Variants in CCDC61 observed in about 807,000 individuals in gnomAD.
CCDC61 encodes the protein coiled-coil domain containing 61, also known as centrosomal protein CCDC61.
In CCDC61, 55 loss-of-function variants were observed where a neutral mutation model predicts 63.0. The observed-to-expected ratio is 0.87, with a 90% CI of 0.70 to 1.09. The LOEUF (loss-of-function observed/expected upper bound fraction) is 1.09. Ranked by LOEUF, CCDC61 falls within the 50% of genes least tolerant of loss-of-function variation. CCDC61 has a pLI of 0.00. For missense variants in CCDC61, 651 were observed against 731.4 expected (o/e 0.89, Z 1.27); for synonymous variants, 270 against 317.0 (o/e 0.85, Z 1.58).
intron 5 of CCDC61, among the ~76,000 whole-genome samples, chr19:46,013,778 A>T (rs1968872818): frequency 1.3e-5 from 2 of 151,852 alleles, no homozygotes; most frequent in African/African-American, 2.4e-5. Flanking sequence ...AGGCAGGAGA[A>T]TCGCTTCAAC....
rs373065477 is a variant in CCDC61 at position 46,008,262 on chromosome 19, G to A, written c.512G>A (p.Arg171Gln). The A allele has an allele frequency of 6.2e-6, 10 of 1,612,598 alleles. No homozygotes were observed. In the East Asian group the frequency reaches 8.9e-5, roughly 14 times the overall value. Residue 171 changes from arginine (R) to glutamine (Q), a missense_variant, in exon 5 of 14, where the codon CGG (arginine) becomes CAG (glutamine). Physicochemically the swap from Arg to Gln is conservative, Grantham distance 43. Transcript: ENST00000595358. Reference sequence around the variant, plus strand: ...CAAGGGCTGGATGGCCAGAACACTCGGGACACCCGGGAGAATGAGATCTGG... The same window carrying A: ...CAAGGGCTGGATGGCCAGAACACTCAGGACACCCGGGAGAATGAGATCTGG... ...RLQGLDGQNTRDTRENEIWHL... is the reference protein window; with the variant it reads ...RLQGLDGQNTQDTRENEIWHL...
intron 3 of CCDC61, among the ~76,000 whole-genome samples, chr19:46,005,669 T>C (rs1238375613): frequency 6.6e-6 from 1 of 152,152 alleles, no homozygotes; most frequent in African/African-American, 2.4e-5. Flanking sequence ...GCTTGAATTT[T>C]GTTATTGGCA....
chr19:46,017,015 C>G lies in CCDC61; in HGVS notation c.1256C>G (p.Ser419Trp). 6.2e-7 allele frequency: 1 copy of G among 1,612,330 alleles called. No homozygotes were observed. Among genetic ancestry groups the G allele is most frequent in the East Asian group, 2.2e-5 (1 of 44,864 alleles). ...GTGGACAGTTTCCGCAGCCGCTGCTCGTCTGCCAGCTCCTGCAGCGATTTG... is the reference window on the plus strand; with the variant it reads ...GTGGACAGTTTCCGCAGCCGCTGCTGGTCTGCCAGCTCCTGCAGCGATTTG... ...SSVDSFRSRCSSASSCSDLED... is the reference protein window; with the variant it reads ...SSVDSFRSRCWSASSCSDLED... The change falls in exon 11 of 14, where the codon TCG becomes TGG. Residue 419 changes from serine to tryptophan, a missense_variant. Ser to Trp is a radical substitution (Grantham distance 177). Coordinates refer to ENST00000595358, the MANE Select transcript of CCDC61 (RefSeq NM_001267723.2).
Position 46,002,882 on chromosome 19 carries a change from G to T in CCDC61, c.-11-126G>T. ...AGATGAGGAAACTAAGGCACAGAGAGGTGAATTCGCTTTCCCAGGATGCCA... is the reference window on the plus strand; with the variant it reads ...AGATGAGGAAACTAAGGCACAGAGATGTGAATTCGCTTTCCCAGGATGCCA... On this transcript the variant is annotated intron_variant, in intron 1 of 13. Coordinates refer to ENST00000595358, the MANE Select transcript of CCDC61 (RefSeq NM_001267723.2). 7.0e-6 allele frequency: 6 copies of T among 861,538 alleles called. No homozygotes were observed. In the South Asian group the frequency reaches 9.9e-5, roughly 14 times the overall value. The allele number at this position is 861,538 out of a possible 1,614,324, so 53.4% of individuals were successfully genotyped here. A position where few individuals can be genotyped will look rare whatever the true frequency, so the allele number is the denominator to read the frequency against.
rs180982717 is a variant in CCDC61, at chr19:46,018,388, C to T, written c.*1C>T. ...GAACCGACTGGACATGCGGTCATAA[C>T]GTGGAGAAGGGGTACTACCCCTCCA... On this transcript the variant is annotated 3_prime_UTR_variant, in exon 14 of 14. Coordinates refer to ENST00000595358, the MANE Select transcript of CCDC61 (RefSeq NM_001267723.2). The surrounding 1 kb of genome is among the most constrained non-coding windows in gnomAD (Gnocchi z 4.2). 4.8e-5 allele frequency: 75 copies of T among 1,561,836 alleles called. 1 individual carries two copies. The East Asian group carries it at 6.3e-4, about 13-fold the overall frequency.
chr19:46,017,253 C>T lies in CCDC61; in HGVS notation c.1317C>T (p.His439=). ...GGTTACTCCTTTTTCTCAGGGGTCA[C>T]CGCCGCCGTGGGAAGCCTCCCAGCC... The part of the protein sequence containing the change: ...DFSESLSRGG[H]RRRGKPPSPT... Residue 439 remains histidine, a synonymous_variant, in exon 12 of 14, where the codon CAC becomes CAT. Coordinates refer to ENST00000595358, the MANE Select transcript of CCDC61 (RefSeq NM_001267723.2). 5 of 1,563,402 alleles carry T rather than the reference C, an allele frequency of 3.2e-6. No individual in the cohort carries two copies. The highest frequency in any genetic ancestry group is 4.3e-6 in the Non-Finnish European group (5 of 1,153,444).
intron 1 of CCDC61, among the ~76,000 whole-genome samples, chr19:46,001,030 C>T (rs552513657): frequency 9.6e-5 from 14 of 146,186 alleles, no homozygotes; most frequent in Non-Finnish European, 1.3e-4. Flanking sequence ...TGTTCAGTTC[C>T]GTGGGTGCCT....
chr19:45,999,327 G>C (rs932437911), intron 1 of CCDC61, among the ~76,000 whole-genome samples: 6 of 152,128 alleles, frequency 3.9e-5, no homozygotes, highest in African/African-American at 7.2e-5. Context: ...GGCAGTGAAG[G>C]GGGGGTTCTA....
At position 46,015,987 on chromosome 19, in the gene CCDC61, G is replaced by T. The variant is rs1414003402; in HGVS notation, c.846-67G>T. ...TGAGGGTTCGGAGAAGGTGCGGTCG[G>T]GGAGGAGTCTCGCGATTGAGTTTGT... On this transcript the variant is annotated intron_variant, in intron 7 of 13. Coordinates refer to ENST00000595358, the MANE Select transcript of CCDC61 (RefSeq NM_001267723.2). This position sits in a 1 kb window ranked among gnomAD's most constrained non-coding sequence, Gnocchi z 5.3. 2 of 1,216,544 alleles carry T rather than the reference G, an allele frequency of 1.6e-6. No individual in the cohort carries two copies. The highest frequency in any genetic ancestry group is 2.1e-6 in the Non-Finnish European group (2 of 974,854). The allele number at this position is 1,216,544 out of a possible 1,614,324, so 75.4% of individuals were successfully genotyped here. A position where few individuals can be genotyped will look rare whatever the true frequency, so the allele number is the denominator to read the frequency against.
chr19:46,010,570 A>G (rs1272243782), intron 5 of CCDC61, among the ~76,000 whole-genome samples: 1 of 152,142 alleles, frequency 6.6e-6, no homozygotes, highest in Non-Finnish European at 1.5e-5. Context: ...TGGGAGAGGG[A>G]GGCAGGAGGA....
chr19:46,005,775 G>C (rs1284090455), intron 3 of CCDC61, among the ~76,000 whole-genome samples: 1 of 151,004 alleles, frequency 6.6e-6, no homozygotes, highest in Non-Finnish European at 1.5e-5. Flanking sequence ...AATAACCATA[G>C]TTTTGTCTGT....
At position 46,016,089 on chromosome 19, in the gene CCDC61, G is replaced by A. The variant is rs1319306633; in HGVS notation, c.881G>A (p.Arg294Gln). 1 of 1,234,636 alleles carries A rather than the reference G, an allele frequency of 8.1e-7. No homozygotes were observed. The allele number at this position is 1,234,636 out of a possible 1,614,324, so 76.5% of individuals were successfully genotyped here. A position where few individuals can be genotyped will look rare whatever the true frequency, so the allele number is the denominator to read the frequency against. ...RTPPVQPPPTREDRASSSRER... is the reference protein window; with the variant it reads ...RTPPVQPPPTQEDRASSSRER... Reference sequence around the variant, plus strand: ...CCGCCGGTGCAGCCGCCCCCGACGCGGGAGGACCGGGCCTCATCGTCCCGG... The same window carrying A: ...CCGCCGGTGCAGCCGCCCCCGACGCAGGAGGACCGGGCCTCATCGTCCCGG... The change falls in exon 8 of 14, where the codon CGG becomes CAG. Residue 294 changes from arginine to glutamine, a missense_variant. Transcript: ENST00000595358. This position sits in a 1 kb window ranked among gnomAD's most constrained non-coding sequence, Gnocchi z 7.2.
Position 46,015,029 on chromosome 19 carries a change from T to C in CCDC61, c.552-20T>C, listed in dbSNP as rs1197778875. On this transcript the variant is annotated intron_variant, in intron 5 of 13. Coordinates refer to ENST00000595358, the MANE Select transcript of CCDC61 (RefSeq NM_001267723.2). The surrounding 1 kb of genome is among the most constrained non-coding windows in gnomAD (Gnocchi z 5.3). ...GGGGCCATGCCTCTCTCTCCAGCGC[T>C]CTCTCCGCGTCTTCCCCAGGGTGTC... The C allele has an allele frequency of 2.0e-6, 3 of 1,486,536 alleles. No homozygotes were observed. The highest frequency in any genetic ancestry group is 2.7e-6 in the Non-Finnish European group (3 of 1,121,770). 92.1% of individuals were successfully genotyped at this position (1,486,536 alleles called of 1,614,324 possible). A position where few individuals can be genotyped will look rare whatever the true frequency, so the allele number is the denominator to read the frequency against.
In CCDC61 at chr19:45,999,541, TGCCAAGGGCA is replaced by T. The variant is rs1968553184; in HGVS notation, c.-11-3465_-11-3456del. 1.3e-4 allele frequency among the ~76,000 whole-genome samples: 20 copies of T among 152,190 alleles called. No individual in the cohort carries two copies. In the South Asian group the frequency reaches 4.2e-3, roughly 32 times the overall value. On this transcript the variant is annotated intron_variant, in intron 1 of 13. Coordinates refer to ENST00000595358, the MANE Select transcript of CCDC61 (RefSeq NM_001267723.2). ...GGGGAAACAGCCATCAGGTGTGGGCTGCCAAGGGCAGTGATTTGCCCGTGTCTGGTATGGG... is the reference window on the plus strand; with the variant it reads ...GGGGAAACAGCCATCAGGTGTGGGCTGTGATTTGCCCGTGTCTGGTATGGG...
rs1286316461 is a variant in CCDC61, at chr19:46,008,200, C to T, written c.450C>T (p.Gly150=). ...QGKPDPVVLQ[G]IIRSLKEELG... The stretch of plus-strand genomic sequence containing the variant: ...AGCCAGACCCCGTGGTTCTGCAGGG[C>T]ATCATCCGGTCACTGAAGGAGGAAC... Residue 150 remains glycine (G), a synonymous_variant, in exon 5 of 14, where the codon GGC becomes GGT. Transcript: ENST00000595358. 5 of 1,612,964 alleles carry T rather than the reference C, an allele frequency of 3.1e-6. No individual in the cohort carries two copies. Among genetic ancestry groups the T allele is most frequent in the Middle Eastern group, 3.3e-4 (2 of 6,084 alleles).
At position 46,003,161 on chromosome 19, in the gene CCDC61, C is replaced by A; in HGVS notation, c.143C>A (p.Ala48Asp). The stretch of plus-strand genomic sequence containing the variant: ...GACCAGTGGCGGGGCGAGTTCGATG[C>A]TGGCTGTGAGTGTGCCTGCCTGGGG... ...TADQWRGEFD[A>D]GFIEDLTHKT... is the part of the protein sequence containing the mutation. The change falls in exon 2 of 14, where the codon GCT (alanine) becomes GAT (aspartate). Residue 48 changes from alanine to aspartate, a missense_variant. Ala to Asp is a moderately radical substitution (Grantham distance 126, BLOSUM62 -2). Coordinates refer to ENST00000595358, the MANE Select transcript of CCDC61 (RefSeq NM_001267723.2). The A allele has an allele frequency of 6.2e-7, 1 of 1,607,598 alleles. No homozygotes were observed. Among genetic ancestry groups the A allele is most frequent in the Non-Finnish European group, 8.5e-7 (1 of 1,176,762 alleles).
chr19:46,005,137 A>C (rs1968680430), intron 3 of CCDC61, among the ~76,000 whole-genome samples: 1 of 151,956 alleles, frequency 6.6e-6, no homozygotes, highest in African/African-American at 2.4e-5. Flanking sequence ...CAGCCTCCCG[A>C]GTAGCTGGAA....
At chr19:45,998,688 T>A (rs1968537153) in intron 1 of CCDC61, among the ~76,000 whole-genome samples, 1 of 152,154 alleles carries the variant, frequency 6.6e-6, no homozygotes, top group African/African-American at 2.4e-5. Context: ...TGTCAAATAA[T>A]CAACAGATCA....
At position 46,008,147 on chromosome 19, in the gene CCDC61, T is replaced by C. The variant is rs1968748535; in HGVS notation, c.397T>C (p.Tyr133His). Residue 133 changes from tyrosine to histidine, a missense_variant, in exon 5 of 14, where the codon TAC (tyrosine) becomes CAC (histidine). Physicochemically the swap from Tyr to His is moderately conservative, Grantham distance 83. Transcript: ENST00000595358. The part of the protein sequence containing the change: ...IYSVEFDRIH[Y>H]PLPLPYQGKP... Reference sequence around the variant, plus strand: ...TTAATCCTCCCTCCTCAGGATTCACTACCCGCTGCCCCTCCCGTACCAGGG... The same window carrying C: ...TTAATCCTCCCTCCTCAGGATTCACCACCCGCTGCCCCTCCCGTACCAGGG... The C allele has an allele frequency of 4.4e-6, 7 of 1,608,200 alleles. No individual in the cohort carries two copies. In the East Asian group the frequency reaches 1.6e-4, roughly 36 times the overall value.
Sources: allele counts gnomAD v4.1 joint callset (sites outside exome capture counted in the v4.1 genomes callset), GRCh38; gene constraint gnomAD v4.1.1; non-coding constraint Gnocchi (gnomAD v3.1); transcripts MANE v1.5; gene names NCBI Gene and HGNC (gene_info 2026-07-23, HGNC 2026-07-21).